Variants in SCFD2 observed in about 807,000 individuals in gnomAD.
The protein encoded by SCFD2 is sec1 family domain-containing protein 2.
SCFD2 carries 54 observed loss-of-function variants against 58.9 expected under a neutral mutation model. That is an observed-to-expected ratio of 0.92 (90% CI 0.74 to 1.15). The LOEUF is 1.15. Among genes scored for constraint, SCFD2 ranks in the 50% most tolerant of loss-of-function variants. The pLI is 0.00. For synonymous variants in SCFD2, 321 were observed against 335.9 expected, an observed-to-expected ratio of 0.96 and a Z score of 0.49; for missense variants, 805 against 836.6, an observed-to-expected ratio of 0.96 and a Z score of 0.47.
At chr4:53,039,650 C>T (rs1160281860) in intron 5 of SCFD2, among the ~76,000 whole-genome samples, 2 of 152,172 alleles carry the variant, frequency 1.3e-5, no homozygotes, top group African/African-American at 2.4e-5. Context: ...CCCGATAGAT[C>T]ACAGTAGCCT....
At chr4:52,992,555 C>G (rs1320957618) in intron 5 of SCFD2, among the ~76,000 whole-genome samples, 1 of 150,936 alleles carries the variant, frequency 6.6e-6, no homozygotes, top group African/African-American at 2.4e-5. Context: ...CACCTCTTCC[C>G]GGCCGCCATC....
intron 7 of SCFD2, among the ~76,000 whole-genome samples, chr4:52,905,285 A>G (rs537779660): frequency 6.6e-6 from 1 of 152,298 alleles, no homozygotes; most frequent in Admixed American, 6.5e-5. Flanking sequence ...TTCCTCTTTA[A>G]GTTCATTCCA....
chr4:53,203,427 C>T (rs1269147625), intron 4 of SCFD2, among the ~76,000 whole-genome samples: 4 of 151,660 alleles, frequency 2.6e-5, no homozygotes, highest in East Asian at 3.9e-4. Flanking sequence ...GTTGGATTTT[C>T]AATTTTCGAT....
At chr4:53,230,648 C>T (rs922162425) in intron 4 of SCFD2, among the ~76,000 whole-genome samples, 1 of 151,418 alleles carries the variant, frequency 6.6e-6, no homozygotes, top group African/African-American at 2.4e-5. Context: ...GGAAGGATAG[C>T]ATCAGGAGCT....
At chr4:52,892,975 G>T (rs1337207287) in intron 7 of SCFD2, among the ~76,000 whole-genome samples, 1 of 152,178 alleles carries the variant, frequency 6.6e-6, no homozygotes, top group African/African-American at 2.4e-5. Flanking sequence ...TTTAGCTAAT[G>T]TTATGCAAAT....
intron 7 of SCFD2, among the ~76,000 whole-genome samples, chr4:52,895,388 T>C (rs963072738): frequency 6.6e-6 from 1 of 152,184 alleles, no homozygotes; most frequent in Non-Finnish European, 1.5e-5. Context: ...GTTCTCATTG[T>C]TCAATTCCCA....
At chr4:53,175,067 A>G (rs1286490566) in intron 4 of SCFD2, among the ~76,000 whole-genome samples, 1 of 152,140 alleles carries the variant, frequency 6.6e-6, no homozygotes, top group African/African-American at 2.4e-5. Context: ...TTCTCCCCCC[A>G]CAATGGCTGC....
At chr4:53,164,290 G>A (rs12499016) in intron 4 of SCFD2, among the ~76,000 whole-genome samples, 11,950 of 152,110 alleles carry the variant, frequency 0.079, 672 homozygotes, top group East Asian at 0.23. Flanking sequence ...CACTTGTTCC[G>A]TGGAGCCCCT....
At chr4:53,152,285 C>A (rs1726533324) in intron 4 of SCFD2, among the ~76,000 whole-genome samples, 1 of 151,814 alleles carries the variant, frequency 6.6e-6, no homozygotes, top group African/African-American at 2.4e-5. Flanking sequence ...ATGTACTCAG[C>A]ATCATTAATC....
chr4:53,057,415 G>C (rs4398582), intron 5 of SCFD2, among the ~76,000 whole-genome samples: 115,121 of 152,080 alleles, frequency 0.76, 43,653 homozygotes, highest in Middle Eastern at 0.87. Flanking sequence ...AAGGGATAAA[G>C]CTGGAAGCCA....
intron 2 of SCFD2, among the ~76,000 whole-genome samples, chr4:53,329,347 C>T (rs199917861): frequency 0.094 from 14,241 of 151,922 alleles, 962 homozygotes; most frequent in African/African-American, 0.18. Flanking sequence ...ATGTCCCTGT[C>T]TGACAGCTTT....
At chr4:52,931,614 A>C (rs1053318240) in intron 5 of SCFD2, among the ~76,000 whole-genome samples, 1 of 152,256 alleles carries the variant, frequency 6.6e-6, no homozygotes, top group Non-Finnish European at 1.5e-5. Context: ...TACAGTGAGG[A>C]AATTTTAATC....
intron 5 of SCFD2, among the ~76,000 whole-genome samples, chr4:53,006,096 G>A (rs1183582237): frequency 6.6e-6 from 1 of 152,172 alleles, no homozygotes; most frequent in Non-Finnish European, 1.5e-5. Flanking sequence ...TCAAAAGCAT[G>A]TCATGCATCC....
chr4:53,281,732 C>T (rs1731516341), intron 3 of SCFD2, among the ~76,000 whole-genome samples: 1 of 152,218 alleles, frequency 6.6e-6, no homozygotes, highest in Non-Finnish European at 1.5e-5. Context: ...TTTCCCCTCA[C>T]CAGTTGGTTA....
intron 3 of SCFD2, among the ~76,000 whole-genome samples, chr4:53,295,674 T>C (rs553637189): frequency 6.6e-6 from 1 of 152,314 alleles, no homozygotes; most frequent in Admixed American, 6.5e-5. Flanking sequence ...CAATACTACG[T>C]TGAAAAGGAG....
At chr4:52,961,337 C>T (rs1720848598) in intron 5 of SCFD2, among the ~76,000 whole-genome samples, 1 of 152,134 alleles carries the variant, frequency 6.6e-6, no homozygotes, top group African/African-American at 2.4e-5. Flanking sequence ...TGCTACTACC[C>T]AGAGAGGGAT....
At chr4:53,293,971 A>C (rs1731934617) in intron 3 of SCFD2, among the ~76,000 whole-genome samples, 1 of 151,638 alleles carries the variant, frequency 6.6e-6, no homozygotes, top group Non-Finnish European at 1.5e-5. Context: ...ATGACTGAGA[A>C]CATGCAATGT....
intron 6 of SCFD2, among the ~76,000 whole-genome samples, chr4:52,916,342 G>C (rs1163132626): frequency 6.6e-6 from 1 of 152,212 alleles, no homozygotes; most frequent in Non-Finnish European, 1.5e-5. Context: ...GGCCGAGGTG[G>C]GCAGATCACC....
At chr4:52,876,616 G>A (rs371304047) in intron 8 of SCFD2, among the ~76,000 whole-genome samples, 11 of 151,930 alleles carry the variant, frequency 7.2e-5, no homozygotes, top group African/African-American at 2.4e-4. Flanking sequence ...TGCGCGTGGC[G>A]GTGCATGCCT....
Sources: gnomAD v4.1 joint callset for allele counts (sites outside exome capture counted in the v4.1 genomes callset) on GRCh38, gnomAD v4.1.1 for gene constraint, MANE v1.5 for transcripts, NCBI Gene and HGNC (gene_info 2026-07-23, HGNC 2026-07-21) for gene names.